The following ANKAR variants were observed in gnomAD, a reference collection of about 807,000 sequenced individuals.
ANKAR encodes ankyrin and armadillo repeat containing.
Under a neutral mutation model 146.2 loss-of-function variants are expected in ANKAR, and 136 were observed. The observed-to-expected ratio is 0.93, with a 90% CI of 0.81 to 1.07. ANKAR has a LOEUF of 1.07. Among genes scored for constraint, ANKAR ranks in the 50% least tolerant of loss-of-function variants. The probability of loss-of-function intolerance (pLI) is 0.00; values close to 1 mark genes in which losing one functional copy is unlikely to be tolerated. For missense variants in ANKAR, 1,567 were observed against 1,679.9 expected (o/e 0.93, Z 1.18); for synonymous variants, 500 against 575.8 (o/e 0.87, Z 1.88).
intron 4 of ANKAR, 65 bp from the exon 5 acceptor site, chr2:189,693,009 A>C (rs2036651108): frequency 3.4e-6 from 3 of 875,846 alleles, no homozygotes; most frequent in Admixed American, 2.8e-5. Context: ...TTTCATACAA[A>C]GAATTCTTAT....
chr2:189,717,082 A>T (rs1007114485), intron 10 of ANKAR, among the ~76,000 whole-genome samples: 41 of 152,210 alleles, frequency 2.7e-4, no homozygotes, highest in Middle Eastern at 3.4e-3. Context: ...AAGCCAAAAT[A>T]GACAAATGGG....
chr2:189,677,134 T>G (rs1574310083), intron 2 of ANKAR, 43 bp downstream of exon 2: 1 of 909,280 alleles, frequency 1.1e-6, no homozygotes, highest in African/African-American at 1.9e-5. Context: ...TTTTTTTTTT[T>G]GGAACAGAGT....
At chr2:189,721,814 G>C (rs944570436) in intron 12 of ANKAR, among the ~76,000 whole-genome samples, 1 of 152,076 alleles carries the variant, frequency 6.6e-6, no homozygotes, top group Non-Finnish European at 1.5e-5. Flanking sequence ...AGTTCACCAG[G>C]AATAAATACA....
At chr2:189,704,821 G>A (rs1030949145) in intron 7 of ANKAR, among the ~76,000 whole-genome samples, 12 of 150,262 alleles carry the variant, frequency 8.0e-5, no homozygotes, top group African/African-American at 2.7e-4. Flanking sequence ...TTGTTTCCAA[G>A]TATGGATTTT....
At chr2:189,760,937 C>T (rs1407133304) in intron 18 of ANKAR, among the ~76,000 whole-genome samples, 1 of 152,186 alleles carries the variant, frequency 6.6e-6, no homozygotes, top group African/African-American at 2.4e-5. Flanking sequence ...TTTATCTTGT[C>T]CATTTATTTA....
chr2:189,704,807 T>G (rs2038698563), intron 7 of ANKAR, among the ~76,000 whole-genome samples: 1 of 151,544 alleles, frequency 6.6e-6, no homozygotes, highest in South Asian at 2.1e-4. Context: ...AAAATTTTTG[T>G]TTTTTGTTTC....
At chr2:189,739,804 C>T (rs1051866124) in intron 19 of ANKAR, among the ~76,000 whole-genome samples, 1 of 152,008 alleles carries the variant, frequency 6.6e-6, no homozygotes, top group African/African-American at 2.4e-5. Flanking sequence ...CCTCATGATC[C>T]GCCCGCCTCG....
intron 10 of ANKAR, among the ~76,000 whole-genome samples, chr2:189,712,090 G>A (rs2039776297): frequency 6.6e-6 from 1 of 152,230 alleles, no homozygotes; most frequent in Non-Finnish European, 1.5e-5. Flanking sequence ...AAAGCGGCCG[G>A]GAAGCTTGAA....
chr2:189,762,745 G>C (rs547799537), downstream of ANKAR: 62 of 985,532 alleles, frequency 6.3e-5, no homozygotes, highest in African/African-American at 1.0e-3. Context: ...ACTGTCGACT[G>C]CCCTTATCGC....
Position 189,711,123 on chromosome 2 carries a change from G to A in ANKAR, c.2194G>A (p.Asp732Asn), listed in dbSNP as rs149009139. Residue 732 changes from aspartate (D) to asparagine (N), a missense_variant, in exon 10 of 23, where the codon GAT becomes AAT. Coordinates refer to ENST00000684021, the MANE Select transcript of ANKAR (RefSeq NM_001378068.1). ...CTTGGAAGTAATTTGCTTAGCAAATGATCAATACTGGAGATGTATTTTGGA... is the reference window on the plus strand; with the variant it reads ...CTTGGAAGTAATTTGCTTAGCAAATAATCAATACTGGAGATGTATTTTGGA... ...MSLEVICLAN[D>N]QYWRCILDAG... The A allele has an allele frequency of 1.6e-5, 26 of 1,613,790 alleles. No individual in the cohort carries two copies. In the African/African-American group the frequency reaches 3.2e-4, roughly 20 times the overall value.
intron 2 of ANKAR, among the ~76,000 whole-genome samples, chr2:189,682,348 T>C (rs944725714): frequency 3.3e-5 from 5 of 151,894 alleles, no homozygotes; most frequent in African/African-American, 4.8e-5. Flanking sequence ...CTAGTAGAAA[T>C]ATTTTTTTCT....
At chr2:189,680,727 T>C (rs1312956613) in intron 2 of ANKAR, among the ~76,000 whole-genome samples, 1 of 152,134 alleles carries the variant, frequency 6.6e-6, no homozygotes, top group African/African-American at 2.4e-5. Context: ...CATTTCCGTG[T>C]GTTTATATAG....
chr2:189,697,233 T>TAA (rs75617061), intron 7 of ANKAR, among the ~76,000 whole-genome samples: 2 of 137,302 alleles, frequency 1.5e-5, no homozygotes, highest in Non-Finnish European at 3.2e-5. Context: ...CCCATAAAAT[T>TAA]AAAAAAAAAA....
At chr2:189,727,700 T>C in intron 12 of ANKAR, 156 bp from the exon 13 acceptor site, 1 of 860,690 alleles carries the variant, frequency 1.2e-6, no homozygotes, top group South Asian at 2.0e-5. Context: ...GTTTAGGTGG[T>C]AAATCTAGCC....
At chr2:189,750,472 G>T, downstream of ANKAR, 1 of 587,588 alleles carries the variant, frequency 1.7e-6, no homozygotes, top group Non-Finnish European at 3.0e-6. Flanking sequence ...ATAAAATCTT[G>T]ATGAATAATT....
intron 1 of ANKAR, among the ~76,000 whole-genome samples, chr2:189,675,110 C>A (rs1042489093): frequency 5.3e-5 from 8 of 152,166 alleles, no homozygotes; most frequent in African/African-American, 1.7e-4. Context: ...TATTTTCTGG[C>A]CCCACTACAG....
At chr2:189,748,174 GGTGA>G (rs1309841595), downstream of ANKAR, among the ~76,000 whole-genome samples, 19 of 152,234 alleles carry the variant, frequency 1.2e-4, no homozygotes, top group Middle Eastern at 0.01. Flanking sequence ...AAAGTCAGTG[GGTGA>G]GTGAGTGGGT....
At chr2:189,681,004 T>C (rs1369096684) in intron 2 of ANKAR, among the ~76,000 whole-genome samples, 1 of 3,596 alleles carries the variant, frequency 2.8e-4, no homozygotes, top group Non-Finnish European at 0.022. Flanking sequence ...CGGTAGAGCC[T>C]TGACATTCTG....
chr2:189,681,441 C>T (rs1486227312), intron 2 of ANKAR, among the ~76,000 whole-genome samples: 1 of 152,184 alleles, frequency 6.6e-6, no homozygotes, highest in African/African-American at 2.4e-5. Context: ...CTGAGGTTGC[C>T]ACCCTCTATG....
Sources: gnomAD v4.1 joint callset for allele counts (sites outside exome capture counted in the v4.1 genomes callset) on GRCh38, gnomAD v4.1.1 for gene constraint, MANE v1.5 for transcripts, NCBI Gene and HGNC (gene_info 2026-07-23, HGNC 2026-07-21) for gene names.